LIN54: variants seen among roughly 807,000 people sequenced by gnomAD.
LIN54 encodes the protein lin-54 DREAM MuvB core complex component, also known as protein lin-54 homolog.
LIN54 carries 9 observed loss-of-function variants against 78.7 expected under a neutral mutation model. That is an observed-to-expected ratio of 0.11 (90% CI 0.07 to 0.20). LIN54 has a LOEUF of 0.20. LIN54 is among the 10% of genes least tolerant of loss of function. The pLI, the probability that LIN54 is intolerant of heterozygous loss-of-function variation, is 1.00. For missense variants in LIN54, 573 were observed against 889.9 expected, an observed-to-expected ratio of 0.64 and a Z score of 4.53; for synonymous variants, 269 against 318.4, an observed-to-expected ratio of 0.84 and a Z score of 1.65.
At chr4:82,980,566 CT>C (rs1726548574) in intron 2 of LIN54, among the ~76,000 whole-genome samples, 1 of 1,456 alleles carries the variant, frequency 6.9e-4, no homozygotes, top group African/African-American at 8.4e-4. Flanking sequence ...ATACAAATCA[CT>C]TAAAAAAAAA....
intron 1 of LIN54, among the ~76,000 whole-genome samples, chr4:82,991,313 T>C (rs1415575123): frequency 6.6e-6 from 1 of 152,204 alleles, no homozygotes; most frequent in Non-Finnish European, 1.5e-5. Flanking sequence ...CTGTTATAAA[T>C]GGCATTTTCC....
chr4:82,956,365 A>AAAG (rs10635005), intron 4 of LIN54, among the ~76,000 whole-genome samples: 49,053 of 150,518 alleles, frequency 0.33, 9,291 homozygotes, highest in East Asian at 0.52. Flanking sequence ...AAAAAAAAAA[A>AAAG]AGACTGTTTT....
chr4:82,947,317 T>C (rs1216915174), intron 4 of LIN54, among the ~76,000 whole-genome samples: 2 of 144,648 alleles, frequency 1.4e-5, no homozygotes, highest in Admixed American at 1.4e-4. Flanking sequence ...ACTGCAGCCT[T>C]GACCTCCTGG....
chr4:82,996,616 G>C (rs975440396), intron 1 of LIN54, among the ~76,000 whole-genome samples: 1 of 151,954 alleles, frequency 6.6e-6, no homozygotes, highest in Non-Finnish European at 1.5e-5. Flanking sequence ...ATGTTGGCCA[G>C]GCTGGTCTCG....
chr4:82,988,016 A>C (rs1007355346), intron 1 of LIN54, among the ~76,000 whole-genome samples: 54 of 152,088 alleles, frequency 3.6e-4, no homozygotes, highest in African/African-American at 1.2e-3. Flanking sequence ...AAGCATTCCT[A>C]TTTCTCCACA....
At chr4:83,005,171 C>T (rs1238566986) in intron 1 of LIN54, among the ~76,000 whole-genome samples, 4 of 152,208 alleles carry the variant, frequency 2.6e-5, no homozygotes, top group Non-Finnish European at 5.9e-5. Flanking sequence ...GCTAGGATTA[C>T]AGGCATGAGC....
At position 83,010,634 on chromosome 4, in the gene LIN54, G is replaced by A. The variant is rs1012196637; in HGVS notation, c.-183C>T. 35 of 1,230,684 alleles carry A rather than the reference G, an allele frequency of 2.8e-5. No homozygotes were observed. In the East Asian group the frequency reaches 6.3e-4, roughly 22 times the overall value. The allele number at this position is 1,230,684 out of a possible 1,614,324, so 76.2% of individuals were successfully genotyped here. A position where few individuals can be genotyped will look rare whatever the true frequency, so the allele number is the denominator to read the frequency against. The stretch of plus-strand genomic sequence containing the variant: ...TTTCCCAGTTTGTCCAAACTGGAGC[G>A]CTCCAGGGTACCCGGGGACCGAGAA... On this transcript the variant is annotated 5_prime_UTR_variant, in exon 1 of 13. Coordinates refer to ENST00000340417, the MANE Select transcript of LIN54 (RefSeq NM_194282.4).
At chr4:82,954,537 C>T (rs959986794) in intron 4 of LIN54, among the ~76,000 whole-genome samples, 1 of 152,036 alleles carries the variant, frequency 6.6e-6, no homozygotes, top group Non-Finnish European at 1.5e-5. Flanking sequence ...CCCACTTCAG[C>T]CTGCCAAGTA....
Position 82,939,910 on chromosome 4 carries a change from G to C in LIN54, c.1221C>G (p.Val407=). The C allele has an allele frequency of 1.9e-6, 3 of 1,612,474 alleles. No homozygotes were observed. The highest frequency in any genetic ancestry group is 1.7e-6 in the Non-Finnish European group (2 of 1,179,462). Residue 407 remains valine, a synonymous_variant, in exon 6 of 13, where the codon GTC becomes GTG. Coordinates refer to ENST00000340417, the MANE Select transcript of LIN54 (RefSeq NM_194282.4). ...TTACTTGTTTGACAGCCTGAGCTGAGACAATTGGAACTGACATCCGCACTG... is the reference window on the plus strand; with the variant it reads ...TTACTTGTTTGACAGCCTGAGCTGACACAATTGGAACTGACATCCGCACTG... The part of the protein sequence containing the change: ...TTPVRMSVPI[V]SAQAVKQVVP...
chr4:82,954,160 A>C (rs1475956926), intron 4 of LIN54, among the ~76,000 whole-genome samples: 1 of 152,214 alleles, frequency 6.6e-6, no homozygotes, highest in African/African-American at 2.4e-5. Context: ...TCACACATGA[A>C]GAGACTAAAT....
intron 1 of LIN54, among the ~76,000 whole-genome samples, chr4:83,009,360 T>A (rs951415364): frequency 6.6e-6 from 1 of 152,216 alleles, no homozygotes; most frequent in Non-Finnish European, 1.5e-5. Flanking sequence ...TCATAAACAT[T>A]ACCCATGGGC....
At chr4:82,928,454 C>T in intron 12 of LIN54, 151 bp from the exon 13 acceptor site, 1 of 652,784 alleles carries the variant, frequency 1.5e-6, no homozygotes, top group Non-Finnish European at 2.7e-6. Context: ...CAAGCACATC[C>T]TAAAAAGGGC....
At chr4:83,009,614 G>A (rs887099636) in intron 1 of LIN54, among the ~76,000 whole-genome samples, 3 of 152,172 alleles carry the variant, frequency 2.0e-5, no homozygotes, top group Admixed American at 6.6e-5. Context: ...AACAGTGGCT[G>A]TTATAGTCAA....
chr4:82,995,496 T>C (rs1351503030), intron 1 of LIN54, among the ~76,000 whole-genome samples: 7 of 131,130 alleles, frequency 5.3e-5, no homozygotes, highest in South Asian at 2.6e-4. Context: ...TCTCTTTTTT[T>C]TTTTTTTTTT....
chr4:82,984,549 A>C lies in LIN54; in HGVS notation c.296T>G (p.Leu99Arg), dbSNP rs1259931431. The C allele has an allele frequency of 8.7e-6, 14 of 1,614,106 alleles. No individual in the cohort carries two copies. Among genetic ancestry groups the C allele is most frequent in the Non-Finnish European group, 1.2e-5 (14 of 1,180,046 alleles). The change falls in exon 2 of 13, where the codon CTT (leucine) becomes CGT (arginine). Residue 99 changes from leucine (L) to arginine (R), a missense_variant. Coordinates refer to ENST00000340417, the MANE Select transcript of LIN54 (RefSeq NM_194282.4). ...AGGAGTCTGAGCACCAAGTTTTTGA[A>C]GGCCACTTGGAAAAGCTGGTTTCAC... Reference protein sequence around the residue: ...TTVKPAFPSGLQKLGAQTPVT... With the variant: ...TTVKPAFPSGRQKLGAQTPVT...
At chr4:82,954,021 G>A (rs1724073090) in intron 4 of LIN54, among the ~76,000 whole-genome samples, 1 of 152,048 alleles carries the variant, frequency 6.6e-6, no homozygotes, top group African/African-American at 2.4e-5. Flanking sequence ...AAAACTATCT[G>A]TTCCTGTACT....
intron 1 of LIN54, among the ~76,000 whole-genome samples, chr4:82,994,690 T>C (rs1222376720): frequency 7.8e-6 from 1 of 128,246 alleles, no homozygotes; most frequent in Non-Finnish European, 1.7e-5. Context: ...ATGAGCCACC[T>C]TGCCCAGCCA....
chr4:82,955,369 A>AATAAC (rs537329208), intron 4 of LIN54, among the ~76,000 whole-genome samples: 30,772 of 138,162 alleles, frequency 0.22, 3,631 homozygotes, highest in South Asian at 0.29. Flanking sequence ...ATCTCAAAAA[A>AATAAC]ATAACATAAC....
intron 1 of LIN54, among the ~76,000 whole-genome samples, chr4:83,006,342 G>A (rs534598648): frequency 5.3e-5 from 8 of 152,042 alleles, no homozygotes; most frequent in Admixed American, 2.0e-4. Context: ...CCAGCTACTC[G>A]GGAGGCTGAG....
Sources: allele counts gnomAD v4.1 joint callset (sites outside exome capture counted in the v4.1 genomes callset), GRCh38; gene constraint gnomAD v4.1.1; transcripts MANE v1.5; gene names NCBI Gene and HGNC (gene_info 2026-07-23, HGNC 2026-07-21).